Variants in CAVIN1 observed in about 807,000 individuals in gnomAD.
CAVIN1 encodes caveolae-associated protein 1.
CAVIN1 carries 16 observed loss-of-function variants against 24.0 expected under a neutral mutation model. The ratio of observed to expected loss-of-function variants is 0.67; its 90% confidence interval spans 0.45 to 1.01. CAVIN1 has a LOEUF of 1.01. Ranked by LOEUF, CAVIN1 falls within the 50% of genes least tolerant of loss-of-function variation. The probability of loss-of-function intolerance (pLI) is 0.00; values close to 1 mark genes in which losing one functional copy is unlikely to be tolerated. For missense variants in CAVIN1, 510 were observed against 551.7 expected (o/e 0.92, Z 0.76); for synonymous variants, 256 against 256.4 (o/e 1.00, Z 0.02).
rs60085741 is a variant in CAVIN1 at position 42,413,566 on chromosome 17, GAAAAAA to G, written c.472-8184_472-8179del. On this transcript the variant is annotated intron_variant, in intron 1 of 1. Transcript: ENST00000357037. ...AGAGCAAAAGTCTGTCTCAAAAAGG[GAAAAAA>G]AAAAAAAAAAAAAAAAAAAAAAAAA... is the stretch of plus-strand genomic sequence containing the variant. Among the ~76,000 whole-genome samples, 29 of 56,978 alleles carry G rather than the reference GAAAAAA, an allele frequency of 5.1e-4. 1 individual carries two copies. The highest frequency in any genetic ancestry group is 7.3e-4 in the Non-Finnish European group (24 of 32,776). The allele number at this position is 56,978 out of a possible 152,430, so 37.4% of individuals were successfully genotyped here.
At position 42,404,703 on chromosome 17, in the gene CAVIN1, T is replaced by C; in HGVS notation, c.1157A>G (p.Lys386Arg). 2 of 1,480,062 alleles carry C rather than the reference T, an allele frequency of 1.4e-6. No homozygotes were observed. Among genetic ancestry groups the C allele is most frequent in the Non-Finnish European group, 1.8e-6 (2 of 1,121,950 alleles). The allele number at this position is 1,480,062 out of a possible 1,614,324, so 91.7% of individuals were successfully genotyped here. ...TEESDAVLVDKSDSD is the reference protein window; with the variant it reads ...TEESDAVLVDRSDSD ...GGGGGCGGCTCAGTCGCTGTCGCTC[T>C]TGTCCACCAGCACGGCGTCCGACTC... Residue 386 changes from lysine (K) to arginine (R), a missense_variant, in exon 2 of 2, where the codon AAG (lysine) becomes AGG (arginine). Transcript: ENST00000357037.
At chr17:42,410,043 C>G (rs532041175) in intron 1 of CAVIN1, among the ~76,000 whole-genome samples, 2 of 152,308 alleles carry the variant, frequency 1.3e-5, no homozygotes, top group South Asian at 4.1e-4. Context: ...ACTCCACCCC[C>G]CAACCCTGCT....
chr17:42,405,470 G>A, intron 1 of CAVIN1, 82 bp from the exon 2 acceptor site: 1 of 1,416,996 alleles, frequency 7.1e-7, no homozygotes, highest in South Asian at 1.2e-5. Flanking sequence ...TGACGATCCT[G>A]GAGAGAGGGG....
rs762791743 is a variant in CAVIN1, at chr17:42,408,693, GT to G, written c.472-3306del. Among the ~76,000 whole-genome samples the G allele has an allele frequency of 4.9e-4, 74 of 150,418 alleles. 1 individual carries two copies. The highest frequency in any genetic ancestry group is 3.5e-3 in the Middle Eastern group (1 of 284). ...TTTAGTAGAGACGGGGTTTCTCCAT[GT>G]TGATCAGGCTGGTCTTGAACTCCCA... On this transcript the variant is annotated intron_variant, in intron 1 of 1. Transcript: ENST00000357037.
intron 1 of CAVIN1, among the ~76,000 whole-genome samples, chr17:42,414,768 C>T (rs992324864): frequency 1.3e-5 from 2 of 152,004 alleles, no homozygotes; most frequent in African/African-American, 4.8e-5. Context: ...CAGGTCCCAA[C>T]CTCCCCTGCA....
At chr17:42,410,719 C>T (rs12449522) in intron 1 of CAVIN1, among the ~76,000 whole-genome samples, 2 of 151,538 alleles carry the variant, frequency 1.3e-5, no homozygotes, top group Admixed American at 1.3e-4. Context: ...CGAGACCATT[C>T]TGGCCAACAT....
At chr17:42,405,940 G>A (rs9906657) in intron 1 of CAVIN1, among the ~76,000 whole-genome samples, 117,375 of 151,804 alleles carry the variant, frequency 0.77, 47,791 homozygotes, top group East Asian at 0.98. Context: ...GCCCGCCTCG[G>A]CCTCCCAAAG....
At chr17:42,419,744 C>T (rs367953912) in intron 1 of CAVIN1, among the ~76,000 whole-genome samples, 3 of 152,228 alleles carry the variant, frequency 2.0e-5, no homozygotes, top group East Asian at 3.9e-4. Context: ...AGCCAAGTGT[C>T]GCCTGATAGA....
chr17:42,412,675 T>G (rs2085486789), intron 1 of CAVIN1, among the ~76,000 whole-genome samples: 2 of 151,720 alleles, frequency 1.3e-5, no homozygotes, highest in South Asian at 4.2e-4. Context: ...TGGAGTGCAG[T>G]GGCACGATCT....
intron 1 of CAVIN1, among the ~76,000 whole-genome samples, chr17:42,414,093 G>A (rs1202108468): frequency 6.6e-6 from 1 of 152,116 alleles, no homozygotes; most frequent in African/African-American, 2.4e-5. Flanking sequence ...TAGAGACGGA[G>A]TTTCGCCATG....
At chr17:42,405,475 G>A (rs984243387) in intron 1 of CAVIN1, 87 bp from the exon 2 acceptor site, 2 of 1,409,540 alleles carry the variant, frequency 1.4e-6, no homozygotes, top group African/African-American at 1.4e-5. Context: ...ATCCTGGAGA[G>A]AGGGGAGCAT....
intron 1 of CAVIN1, among the ~76,000 whole-genome samples, chr17:42,413,898 GGTT>G (rs897279531): frequency 3.9e-5 from 6 of 152,014 alleles, no homozygotes; most frequent in Non-Finnish European, 8.8e-5. Flanking sequence ...CCAGTTTTGT[GGTT>G]GTTGTTTTTT....
Position 42,407,545 on chromosome 17 carries a change from C to T in CAVIN1, c.472-2157G>A, listed in dbSNP as rs142428290. ...GAAAACTAGGAACACCCTCTCCCAA[C>T]TTCCTTCCCTTCTTGTCAATAGCAT... On this transcript the variant is annotated intron_variant, in intron 1 of 1. Transcript: ENST00000357037. 2.6e-5 allele frequency among the ~76,000 whole-genome samples: 4 copies of T among 152,278 alleles called. No individual in the cohort carries two copies. In the East Asian group the frequency reaches 7.7e-4, roughly 29 times the overall value.
chr17:42,412,389 C>CTTTTTT, intron 1 of CAVIN1: 8 of 203,014 alleles, frequency 3.9e-5, no homozygotes, highest in Non-Finnish European at 5.3e-5. Flanking sequence ...AAATAAACCA[C>CTTTTTT]TTTTTTTTTT....
Position 42,404,652 on chromosome 17 carries a change from G to C in CAVIN1, c.*35C>G. On this transcript the variant is annotated 3_prime_UTR_variant, in exon 2 of 2. Transcript: ENST00000357037. ...GAATGCGAAAGAGGAAGTTCGGAAG[G>C]AGCGAGGAATGGGGTGGGTGGCAGC... 1 of 1,331,066 alleles carries C rather than the reference G, an allele frequency of 7.5e-7. No individual in the cohort carries two copies. Among genetic ancestry groups the C allele is most frequent in the Non-Finnish European group, 9.8e-7 (1 of 1,016,712 alleles). 82.5% of individuals were successfully genotyped at this position (1,331,066 alleles called of 1,614,324 possible).
intron 1 of CAVIN1, among the ~76,000 whole-genome samples, chr17:42,416,593 CAAAAAAAA>C (rs34249867): frequency 1.1e-4 from 6 of 54,440 alleles, no homozygotes; most frequent in East Asian, 5.4e-4. Flanking sequence ...GATCCTTTCT[CAAAAAAAA>C]AAAAAAAAAA....
At chr17:42,410,852 C>T (rs1045936798) in intron 1 of CAVIN1, among the ~76,000 whole-genome samples, 1 of 123,488 alleles carries the variant, frequency 8.1e-6, no homozygotes, top group Non-Finnish European at 1.6e-5. Context: ...CGAGATCGTG[C>T]CACTGTAATC....
chr17:42,422,852 C>G lies in CAVIN1; in HGVS notation c.246G>C (p.Met82Ile), dbSNP rs763691234. The change falls in exon 1 of 2, where the codon ATG becomes ATC. Residue 82 changes from methionine to isoleucine, a missense_variant. Met to Ile is a conservative substitution (Grantham distance 10). Coordinates refer to ENST00000357037, the MANE Select transcript of CAVIN1 (RefSeq NM_012232.6). ...QAQLEERQAE[M>I]EGAVQSIQGE... ...CCTGGATGCTCTGCACTGCGCCCTCCATCTCCGCCTGCCGCTCCTCCAGCT... is the reference window on the plus strand; with the variant it reads ...CCTGGATGCTCTGCACTGCGCCCTCGATCTCCGCCTGCCGCTCCTCCAGCT... 1 of 1,613,796 alleles carries G rather than the reference C, an allele frequency of 6.2e-7. No individual in the cohort carries two copies. The highest frequency in any genetic ancestry group is 8.5e-7 in the Non-Finnish European group (1 of 1,179,956).
rs545871896 is a variant in CAVIN1 at position 42,422,218 on chromosome 17, A to G, written c.471+409T>C. On this transcript the variant is annotated intron_variant, in intron 1 of 1. Coordinates refer to ENST00000357037, the MANE Select transcript of CAVIN1 (RefSeq NM_012232.6). Reference sequence around the variant, plus strand: ...CAGTGTCCGCTTACAGCGGACCCCAACGATCGCGAGGGACCCCTGACTTTC... The same window carrying G: ...CAGTGTCCGCTTACAGCGGACCCCAGCGATCGCGAGGGACCCCTGACTTTC... Among the ~76,000 whole-genome samples the G allele has an allele frequency of 2.0e-4, 30 of 152,300 alleles. No homozygotes were observed. In the South Asian group the frequency reaches 5.8e-3, roughly 29 times the overall value.
Sources: allele counts gnomAD v4.1 joint callset (sites outside exome capture counted in the v4.1 genomes callset), GRCh38; gene constraint gnomAD v4.1.1; transcripts MANE v1.5; gene names NCBI Gene and HGNC (gene_info 2026-07-23, HGNC 2026-07-21).